Variants in ZNF365 observed in about 807,000 individuals in gnomAD.
ZNF365 encodes the protein zinc finger protein 365, also known as protein ZNF365.
Under a neutral mutation model 35.0 loss-of-function variants are expected in ZNF365, and 22 were observed. The observed-to-expected ratio is 0.63, with a 90% CI of 0.45 to 0.90. The LOEUF (loss-of-function observed/expected upper bound fraction) is 0.90, where lower values mean the gene tolerates loss of function less well. Ranked by LOEUF, ZNF365 falls within the 40% of genes least tolerant of loss-of-function variation. The probability of loss-of-function intolerance (pLI) is 0.00; values close to 1 mark genes in which losing one functional copy is unlikely to be tolerated. For missense variants in ZNF365, 448 were observed against 500.3 expected (o/e 0.90, Z 1.00); for synonymous variants, 188 against 196.2 (o/e 0.96, Z 0.35).
At chr10:62,443,385 C>T (rs1258028532) in intron 3 of ZNF365, among the ~76,000 whole-genome samples, 2 of 152,212 alleles carry the variant, frequency 1.3e-5, no homozygotes, top group Non-Finnish European at 2.9e-5. Flanking sequence ...CCCAGTTGGT[C>T]AGTGACCCTT....
intron 3 of ZNF365, among the ~76,000 whole-genome samples, chr10:62,393,607 C>G (rs1839672287): frequency 6.6e-6 from 1 of 152,206 alleles, no homozygotes; most frequent in African/African-American, 2.4e-5. Flanking sequence ...CATGTACATG[C>G]ATGCATATAC....
At position 62,388,394 on chromosome 10, in the gene ZNF365, A is replaced by T. The variant is rs745478861; in HGVS notation, c.744-2A>T. 6.2e-7 allele frequency: 1 copy of T among 1,614,178 alleles called. No individual in the cohort carries two copies. Among genetic ancestry groups the T allele is most frequent in the East Asian group, 2.2e-5 (1 of 44,894 alleles). On this transcript the variant is annotated splice_acceptor_variant, in intron 2 of 4. Coordinates refer to ENST00000395254, the MANE Select transcript of ZNF365 (RefSeq NM_014951.3). LOFTEE classifies it high-confidence loss of function. ...TTGTGTTCTGACATTTTTGCCTTGC[A>T]GAGAAGTTGTCACATTCAACCATTT...
downstream of ZNF365, among the ~76,000 whole-genome samples, chr10:62,405,910 T>C (rs957188933): frequency 1.3e-5 from 2 of 152,220 alleles, no homozygotes; most frequent in African/African-American, 4.8e-5. Flanking sequence ...CTCAGGAATG[T>C]ACTTTATTTT....
chr10:62,447,805 C>G lies in ZNF365; in HGVS notation c.925-11936C>G, dbSNP rs571761824. Among the ~76,000 whole-genome samples, 5 of 152,302 alleles carry G rather than the reference C, an allele frequency of 3.3e-5. No individual in the cohort carries two copies. The South Asian group carries it at 1.0e-3, about 32-fold the overall frequency. ...AGCTATGTGACAATGCCTTTCAGGT[C>G]GTGGTGGATGGTTTCATGGCAGGCA... On this transcript the variant is annotated intron_variant, in intron 3 of 4. Coordinates refer to the ZNF365 transcript ENST00000395255.
chr10:62,428,164 G>A (rs1187268491), intron 3 of ZNF365, among the ~76,000 whole-genome samples: 1 of 152,148 alleles, frequency 6.6e-6, no homozygotes. Context: ...TGTGAGGTTG[G>A]AAATATTAGA....
intron 4 of ZNF365, among the ~76,000 whole-genome samples, chr10:62,477,437 G>T (rs1478623293): frequency 6.6e-6 from 1 of 152,158 alleles, no homozygotes; most frequent in Non-Finnish European, 1.5e-5. Context: ...AATGTATCAA[G>T]ATTTTGTGTC....
At chr10:62,430,753 C>T (rs1840322499) in intron 3 of ZNF365, among the ~76,000 whole-genome samples, 1 of 152,200 alleles carries the variant, frequency 6.6e-6, no homozygotes. Context: ...TGTTTCCAGC[C>T]TATGCAAATG....
chr10:62,397,014 G>A (rs10995146), intron 3 of ZNF365, among the ~76,000 whole-genome samples: 80,119 of 152,156 alleles, frequency 0.53, 22,583 homozygotes, highest in East Asian at 0.71. Context: ...TGATGGTGGG[G>A]TAGAGAAAGT....
At chr10:62,379,834 A>G (rs972046349) in intron 2 of ZNF365, among the ~76,000 whole-genome samples, 1 of 152,188 alleles carries the variant, frequency 6.6e-6, no homozygotes, top group Non-Finnish European at 1.5e-5. Context: ...GTATTTTGCC[A>G]AGGACCATAC....
intron 4 of ZNF365, among the ~76,000 whole-genome samples, chr10:62,465,879 TCTTGGG>T (rs1209159800): frequency 6.6e-6 from 1 of 152,094 alleles, no homozygotes; most frequent in African/African-American, 2.4e-5. Context: ...TCGCAACCCT[TCTTGGG>T]GCCCAGACCC....
chr10:62,412,639 G>C lies in ZNF365; in HGVS notation c.924+24063G>C, dbSNP rs1388639053. On this transcript the variant is annotated intron_variant, in intron 3 of 4. Transcript: ENST00000395255. ...TTAACATTCCAATACACCAACAACA[G>C]GCAAGCAGAGAGCCAAATCATGAAT... is the stretch of plus-strand genomic sequence containing the variant. Among the ~76,000 whole-genome samples the C allele has an allele frequency of 2.0e-5, 3 of 151,982 alleles. No individual in the cohort carries two copies. The East Asian group carries it at 5.8e-4, about 29-fold the overall frequency.
At chr10:62,439,262 C>A (rs750915136) in intron 3 of ZNF365, among the ~76,000 whole-genome samples, 4 of 152,072 alleles carry the variant, frequency 2.6e-5, no homozygotes, top group Non-Finnish European at 5.9e-5. Context: ...GTCTTCCTCT[C>A]TCTCTTTACA....
intron 3 of ZNF365, among the ~76,000 whole-genome samples, chr10:62,420,649 T>C (rs960408261): frequency 6.6e-6 from 1 of 152,234 alleles, no homozygotes; most frequent in Admixed American, 6.5e-5. Context: ...AATAATACTT[T>C]GATTGATTGC....
chr10:62,406,863 G>A (rs971932555), downstream of ZNF365, among the ~76,000 whole-genome samples: 1 of 152,186 alleles, frequency 6.6e-6, no homozygotes, highest in African/African-American at 2.4e-5. Flanking sequence ...CCCATTGTGA[G>A]AGAACTGTAT....
intron 3 of ZNF365, among the ~76,000 whole-genome samples, chr10:62,420,967 G>A (rs991603778): frequency 3.5e-5 from 5 of 143,940 alleles, no homozygotes; most frequent in Non-Finnish European, 6.0e-5. Context: ...TATTTTTGTA[G>A]AGATGGTTTT....
At chr10:62,403,475 G>A (rs1040947988), downstream of ZNF365, among the ~76,000 whole-genome samples, 4 of 152,154 alleles carry the variant, frequency 2.6e-5, no homozygotes, top group Admixed American at 1.3e-4. Context: ...TGGCTAACAT[G>A]GTGAAACCCC....
chr10:62,451,060 A>G (rs1019394406), intron 3 of ZNF365, among the ~76,000 whole-genome samples: 3 of 152,200 alleles, frequency 2.0e-5, no homozygotes, highest in Non-Finnish European at 4.4e-5. Flanking sequence ...TCATCCACAC[A>G]TGCCCCAAAT....
chr10:62,464,729 G>C (rs1025361848), intron 4 of ZNF365, among the ~76,000 whole-genome samples: 2 of 152,226 alleles, frequency 1.3e-5, no homozygotes, highest in Non-Finnish European at 2.9e-5. Flanking sequence ...TTTTAGAGCT[G>C]GGGGTATAGG....
intron 1 of ZNF365, among the ~76,000 whole-genome samples, chr10:62,375,245 C>T (rs1186484779): frequency 6.6e-6 from 1 of 152,132 alleles, no homozygotes; most frequent in Non-Finnish European, 1.5e-5. Context: ...CCAGAACTTC[C>T]TGTTATTAAG....
Sources: gnomAD v4.1 joint callset for allele counts (sites outside exome capture counted in the v4.1 genomes callset) on GRCh38, gnomAD v4.1.1 for gene constraint, MANE v1.5 for transcripts, NCBI Gene and HGNC (gene_info 2026-07-23, HGNC 2026-07-21) for gene names.